The following COQ6 variants were observed in gnomAD, a reference collection of about 807,000 sequenced individuals.
COQ6 encodes ubiquinone biosynthesis monooxygenase COQ6, mitochondrial.
A neutral mutation model predicts 55.5 loss-of-function variants in COQ6; 45 were observed. The ratio of observed to expected loss-of-function variants is 0.81; its 90% CI spans 0.64 to 1.04. The LOEUF is 1.04. COQ6 is among the 50% of genes least tolerant of loss of function. COQ6 has a pLI of 0.00. For synonymous variants in COQ6, 206 were observed against 230.5 expected (o/e 0.89, Z 0.96); for missense variants, 550 against 601.3 (o/e 0.91, Z 0.89).
rs137990739 is a variant in COQ6 at position 73,959,614 on chromosome 14, C to T, written c.891+92C>T. The T allele has an allele frequency of 6.7e-3, 10,723 of 1,596,496 alleles. 76 individuals carry two copies. The highest frequency in any genetic ancestry group is 0.022 in the Middle Eastern group (134 of 6,000). ...TTTTTTGAAACGGATCCTTGCCAGGCTGGAGCGCAGTGGCGCGATCTTGGC... is the reference window on the plus strand; with the variant it reads ...TTTTTTGAAACGGATCCTTGCCAGGTTGGAGCGCAGTGGCGCGATCTTGGC... On this transcript the variant is annotated intron_variant, in intron 8 of 11. Coordinates refer to ENST00000334571, the MANE Select transcript of COQ6 (RefSeq NM_182476.3).
rs34746680 is a variant in COQ6, at chr14:73,961,544, C to T, written c.1184C>T (p.Thr395Met). The T allele has an allele frequency of 1.4e-3, 2,288 of 1,614,090 alleles. 31 individuals are homozygous for T. In the African/African-American group the frequency reaches 0.024, roughly 17 times the overall value. The change falls in exon 10 of 12, where the codon ACG becomes ATG. Residue 395 changes from threonine to methionine, a missense_variant. Transcript: ENST00000334571. ...DISSLAHHLS[T>M]AAFNGKDLGS... ...TCCAGCTTGGCCCATCACCTCAGTA[C>T]GGCAGCCTTCAATGGGAAGGACTTA...
At chr14:73,958,815 G>A in intron 5 of COQ6, 156 bp from the exon 6 acceptor site, 1 of 1,527,888 alleles carries the variant, frequency 6.5e-7, no homozygotes, top group Non-Finnish European at 8.8e-7. Flanking sequence ...ACAGTGCAGG[G>A]GCTCCACCTC....
intron 1 of COQ6, among the ~76,000 whole-genome samples, chr14:73,952,086 C>T (rs187779580): frequency 4.8e-4 from 72 of 148,838 alleles, no homozygotes; most frequent in African/African-American, 1.6e-3. Flanking sequence ...CAAGATGGAC[C>T]GCTCACTGTC....
chr14:73,959,581 G>A, intron 8 of COQ6, 59 bp downstream of exon 8: 1 of 1,404,964 alleles, frequency 7.1e-7, no homozygotes, highest in Non-Finnish European at 9.8e-7. Flanking sequence ...GAAAGGTGTT[G>A]TTTTTTTTTT....
At chr14:73,951,726 A>C (rs1261224176) in intron 1 of COQ6, among the ~76,000 whole-genome samples, 1 of 147,974 alleles carries the variant, frequency 6.8e-6, no homozygotes, top group Non-Finnish European at 1.5e-5. Context: ...CAATTCTTCC[A>C]CTGTGGCCTG....
intron 2 of COQ6, among the ~76,000 whole-genome samples, chr14:73,954,387 C>T (rs1258552751): frequency 1.3e-5 from 2 of 152,152 alleles, no homozygotes; most frequent in Non-Finnish European, 2.9e-5. Context: ...ATTGCTTGAG[C>T]CCAGGAGTTT....
At chr14:73,955,955 T>C in intron 4 of COQ6, 27 bp downstream of exon 4, 2 of 1,613,680 alleles carry the variant, frequency 1.2e-6, no homozygotes, top group Non-Finnish European at 1.7e-6. Context: ...CCACCTTGCA[T>C]TCATTGGGAA....
At chr14:73,960,946 A>T (rs900238161) in intron 8 of COQ6, 3 of 626,460 alleles carry the variant, frequency 4.8e-6, no homozygotes, top group Non-Finnish European at 8.5e-6. Flanking sequence ...TGAAGCTCAG[A>T]AGTAGGCAGG....
At chr14:73,954,613 G>A (rs935874722) in intron 2 of COQ6, among the ~76,000 whole-genome samples, 1 of 152,054 alleles carries the variant, frequency 6.6e-6, no homozygotes, top group African/African-American at 2.4e-5. Context: ...GGAGGCTGAG[G>A]CAGGCGGATC....
intron 8 of COQ6, chr14:73,960,891 A>G: frequency 3.8e-6 from 2 of 521,362 alleles, no homozygotes; most frequent in Non-Finnish European, 3.5e-6. Flanking sequence ...GATGAGCTAT[A>G]CTGTGGCTGG....
chr14:73,953,020 A>C (rs1231584304), intron 1 of COQ6, among the ~76,000 whole-genome samples: 1 of 152,170 alleles, frequency 6.6e-6, no homozygotes, highest in African/African-American at 2.4e-5. Context: ...TTGAGACTGC[A>C]TTGAATTTTG....
chr14:73,955,989 A>G, intron 4 of COQ6, 61 bp downstream of exon 4: 1 of 1,606,992 alleles, frequency 6.2e-7, no homozygotes. Context: ...GACTTACTGG[A>G]AGAAAGGATC....
chr14:73,955,426 G>A (rs1357815698), intron 2 of COQ6, 25 bp from the exon 3 acceptor site: 1 of 1,604,120 alleles, frequency 6.2e-7, no homozygotes, highest in Admixed American at 1.7e-5. Context: ...AAGTCACTCT[G>A]GTCTATAGAT....
intron 8 of COQ6, chr14:73,959,796 C>T: frequency 7.9e-7 from 1 of 1,260,008 alleles, no homozygotes; most frequent in South Asian, 1.6e-5. Context: ...TCTCAAACTC[C>T]TGACCTCAAG....
At chr14:73,951,665 T>A (rs78440564) in intron 1 of COQ6, among the ~76,000 whole-genome samples, 7 of 147,780 alleles carry the variant, frequency 4.7e-5, no homozygotes, top group African/African-American at 1.8e-4. Flanking sequence ...TTTTTTTTTT[T>A]AGCTCATCAG....
chr14:73,950,275 G>T, upstream of COQ6: 1 of 1,539,588 alleles, frequency 6.5e-7, no homozygotes, highest in South Asian at 1.2e-5. Context: ...CTCTGCTCCG[G>T]ACGCACTACG....
upstream of COQ6, chr14:73,950,093 A>G (rs1192186514): frequency 1.9e-6 from 3 of 1,604,806 alleles, no homozygotes; most frequent in East Asian, 4.5e-5. Context: ...AGCGAGAGCT[A>G]TGCGGGGCCA....
intron 5 of COQ6, chr14:73,958,688 G>A (rs1181908132): frequency 7.4e-7 from 1 of 1,346,044 alleles, no homozygotes; most frequent in Non-Finnish European, 9.6e-7. Context: ...GCCCCATACT[G>A]AAACTTTCCT....
chr14:73,955,750 T>C (rs1488668189), intron 3 of COQ6, 55 bp from the exon 4 acceptor site: 8 of 1,613,302 alleles, frequency 5.0e-6, no homozygotes, highest in African/African-American at 1.3e-5. Flanking sequence ...TTGTTTCTGA[T>C]TGGAGTGATG....
Sources: gnomAD v4.1 joint callset for allele counts (sites outside exome capture counted in the v4.1 genomes callset) on GRCh38, gnomAD v4.1.1 for gene constraint, MANE v1.5 for transcripts, NCBI Gene and HGNC (gene_info 2026-07-23, HGNC 2026-07-21) for gene names.